ROBO1: variants seen among roughly 807,000 people sequenced by gnomAD.
ROBO1 encodes the protein roundabout guidance receptor 1, also known as roundabout homolog 1.
A neutral mutation model predicts 195.9 loss-of-function variants in ROBO1; 149 were observed. The ratio of observed to expected loss-of-function variants is 0.76; its 90% CI spans 0.67 to 0.87. The LOEUF (loss-of-function observed/expected upper bound fraction) is 0.87. Among genes scored for constraint, ROBO1 ranks in the 40% least tolerant of loss-of-function variants. The probability of loss-of-function intolerance (pLI) is 0.00; values close to 1 mark genes in which losing one functional copy is unlikely to be tolerated. For missense variants in ROBO1, 1,933 were observed against 2,068.3 expected (o/e 0.93, Z 1.27); for synonymous variants, 816 against 733.2 (o/e 1.11, Z -1.82).
In ROBO1 at chr3:79,544,473, CT is replaced by C. The variant is rs984421478; in HGVS notation, c.88+45350del. 1.4e-3 allele frequency among the ~76,000 whole-genome samples: 218 copies of C among 151,916 alleles called. 1 individual carries two copies. Among genetic ancestry groups the C allele is most frequent in the African/African-American group, 5.0e-3 (209 of 41,484 alleles). ...GTCTTCAAAACTGATTTGAAACTAA[CT>C]AGATAAAGTGTTTTCAAATAACAAT... On this transcript the variant is annotated intron_variant, in intron 2 of 30. Transcript: ENST00000464233.
intron 2 of ROBO1, 83 bp downstream of exon 2, chr3:79,589,741 T>G (rs1361834577): frequency 9.0e-7 from 1 of 1,115,484 alleles, no homozygotes; most frequent in Middle Eastern, 2.0e-4. Context: ...AAACTTGATT[T>G]GCAACACACA....
intron 3 of ROBO1, among the ~76,000 whole-genome samples, chr3:79,033,052 A>G (rs1222371360): frequency 1.3e-5 from 2 of 152,118 alleles, no homozygotes; most frequent in African/African-American, 4.8e-5. Context: ...TTTAAAAAAT[A>G]TTCTCACAAA....
At chr3:79,385,274 A>G (rs908268144) in intron 2 of ROBO1, among the ~76,000 whole-genome samples, 10 of 152,150 alleles carry the variant, frequency 6.6e-5, no homozygotes, top group Admixed American at 1.3e-4. Flanking sequence ...ATCTTTCTGT[A>G]TATATCTAAT....
chr3:79,058,528 C>T (rs1180708147), intron 3 of ROBO1, among the ~76,000 whole-genome samples: 1 of 152,012 alleles, frequency 6.6e-6, no homozygotes, highest in Admixed American at 6.6e-5. Context: ...CCACTACCGT[C>T]CCCCTCCCTC....
chr3:79,521,845 C>G (rs958462828), intron 2 of ROBO1, among the ~76,000 whole-genome samples: 9 of 152,010 alleles, frequency 5.9e-5, no homozygotes, highest in African/African-American at 2.2e-4. Context: ...GATGCTGGTT[C>G]CAGGATGCTA....
intron 2 of ROBO1, among the ~76,000 whole-genome samples, chr3:79,445,715 G>T (rs1261543491): frequency 6.7e-6 from 1 of 149,032 alleles, no homozygotes; most frequent in East Asian, 2.0e-4. Context: ...AGGCTGGAGT[G>T]CAGTGGCGCG....
intron 8 of ROBO1, among the ~76,000 whole-genome samples, chr3:78,691,623 T>A (rs553148881): frequency 4.6e-4 from 70 of 152,286 alleles, no homozygotes; most frequent in Admixed American, 7.2e-4. Flanking sequence ...TTACAGGGTC[T>A]GAAAATATGC....
intron 3 of ROBO1, among the ~76,000 whole-genome samples, chr3:79,052,319 C>T (rs2078716459): frequency 6.6e-6 from 1 of 152,050 alleles, no homozygotes; most frequent in African/African-American, 2.4e-5. Flanking sequence ...GAAATTCCAG[C>T]CTGGTGAAAT....
At chr3:79,463,038 C>A (rs909123871) in intron 2 of ROBO1, among the ~76,000 whole-genome samples, 1 of 152,116 alleles carries the variant, frequency 6.6e-6, no homozygotes, top group African/African-American at 2.4e-5. Context: ...TCGGAATTTT[C>A]TTGGTATGTT....
At chr3:79,353,813 G>A (rs1260110167) in intron 2 of ROBO1, among the ~76,000 whole-genome samples, 4 of 152,188 alleles carry the variant, frequency 2.6e-5, no homozygotes, top group Non-Finnish European at 5.9e-5. Flanking sequence ...GTGAGGCCAA[G>A]GAGGGCAGAA....
chr3:78,723,244 T>C (rs959665516), intron 5 of ROBO1, among the ~76,000 whole-genome samples: 1 of 152,158 alleles, frequency 6.6e-6, no homozygotes, highest in Admixed American at 6.5e-5. Flanking sequence ...GTGTTAGAAT[T>C]GCCTACAGTA....
At chr3:79,162,744 C>T (rs2080992809) in intron 2 of ROBO1, among the ~76,000 whole-genome samples, 1 of 152,118 alleles carries the variant, frequency 6.6e-6, no homozygotes. Flanking sequence ...CATTGTCTTA[C>T]TGTAAAGCCT....
At chr3:79,632,678 C>A (rs1017378147) in intron 1 of ROBO1, among the ~76,000 whole-genome samples, 3 of 152,046 alleles carry the variant, frequency 2.0e-5, no homozygotes, top group Non-Finnish European at 4.4e-5. Flanking sequence ...TAGAACTGTA[C>A]ATATTGTGGA....
chr3:79,111,581 T>G (rs1041571281), intron 3 of ROBO1, among the ~76,000 whole-genome samples: 33 of 152,182 alleles, frequency 2.2e-4, no homozygotes, highest in African/African-American at 8.0e-4. Context: ...CATATTCATT[T>G]CCCAACACGT....
chr3:79,414,746 T>C (rs1253457054), intron 2 of ROBO1, among the ~76,000 whole-genome samples: 1 of 151,282 alleles, frequency 6.6e-6, no homozygotes. Flanking sequence ...CCATTATAAA[T>C]ATGGGAAACT....
chr3:79,657,345 A>T (rs1946197640), intron 1 of ROBO1, among the ~76,000 whole-genome samples: 1 of 152,128 alleles, frequency 6.6e-6, no homozygotes, highest in Non-Finnish European at 1.5e-5. Flanking sequence ...TCCAACAAAA[A>T]TCTTGACAAT....
intron 2 of ROBO1, among the ~76,000 whole-genome samples, chr3:79,205,089 T>A (rs2081842445): frequency 6.6e-6 from 1 of 151,980 alleles, no homozygotes; most frequent in Non-Finnish European, 1.5e-5. Flanking sequence ...ACCTCCCAGG[T>A]TCAAGCTATT....
At chr3:78,997,784 T>C (rs1463718348) in intron 3 of ROBO1, among the ~76,000 whole-genome samples, 2 of 152,116 alleles carry the variant, frequency 1.3e-5, no homozygotes, top group African/African-American at 4.8e-5. Context: ...ACCCGTCTTA[T>C]GTGTGCTGAG....
At chr3:79,412,901 T>TTTTTTTTTTTA (rs2037838238) in intron 2 of ROBO1, among the ~76,000 whole-genome samples, 1 of 120,624 alleles carries the variant, frequency 8.3e-6, no homozygotes, top group Non-Finnish European at 1.9e-5. Context: ...TTTTTTTTTT[T>TTTTTTTTTTTA]TTTTTTTTAG....
Sources: gnomAD v4.1 joint callset for allele counts (sites outside exome capture counted in the v4.1 genomes callset) on GRCh38, gnomAD v4.1.1 for gene constraint, MANE v1.5 for transcripts, NCBI Gene and HGNC (gene_info 2026-07-23, HGNC 2026-07-21) for gene names.